The following RFWD3 variants were observed in gnomAD, a reference collection of about 807,000 sequenced individuals.
RFWD3 encodes the protein ring finger and WD repeat domain 3, also known as E3 ubiquitin-protein ligase RFWD3.
RFWD3 carries 65 observed loss-of-function variants against 87.7 expected under a neutral mutation model. The observed-to-expected ratio is 0.74, with a 90% confidence interval of 0.61 to 0.91. The LOEUF (loss-of-function observed/expected upper bound fraction) is 0.91, where lower values mean the gene tolerates loss of function less well. RFWD3 is among the 40% of genes least tolerant of loss of function. The pLI, the probability that RFWD3 is intolerant of heterozygous loss-of-function variation, is 0.00. For missense variants in RFWD3, 1,078 were observed against 938.5 expected (o/e 1.15, Z -1.94); for synonymous variants, 433 against 352.8 (o/e 1.23, Z -2.55).
Position 74,637,905 on chromosome 16 carries a change from T to C in RFWD3, c.1145A>G (p.Gln382Arg). The C allele has an allele frequency of 6.2e-7, 1 of 1,612,898 alleles. No homozygotes were observed. Among genetic ancestry groups the C allele is most frequent in the Non-Finnish European group, 8.5e-7 (1 of 1,179,818 alleles). The change falls in exon 7 of 13, where the codon CAA becomes CGA. Residue 382 changes from glutamine to arginine, a missense_variant. By Grantham distance (43) the Gln-to-Arg change is conservative. Coordinates refer to ENST00000361070, the MANE Select transcript of RFWD3 (RefSeq NM_018124.4). The part of the protein sequence containing the change: ...AELESAQCRL[Q>R]LQVLTDKCTR... ...GCACTTATCAGTGAGGACCTGCAGTTGGAGTCGGCACTGTGCTGATTCTAA... is the reference window on the plus strand; with the variant it reads ...GCACTTATCAGTGAGGACCTGCAGTCGGAGTCGGCACTGTGCTGATTCTAA...
At chr16:74,635,059 T>C (rs1407252313) in intron 8 of RFWD3, among the ~76,000 whole-genome samples, 1 of 151,944 alleles carries the variant, frequency 6.6e-6, no homozygotes, top group Non-Finnish European at 1.5e-5. Flanking sequence ...GGCGGGCGGA[T>C]CATGAGGTCA....
Position 74,666,815 on chromosome 16 carries a change from C to G in RFWD3, c.-32G>C, listed in dbSNP as rs1001159249. 6 of 35,942 alleles carry G rather than the reference C, an allele frequency of 1.7e-4. No homozygotes were observed. The highest frequency in any genetic ancestry group is 5.1e-5 in the Non-Finnish European group (1 of 19,772). The allele number at this position is 35,942 out of a possible 1,614,324, so 2.2% of individuals were successfully genotyped here. ...AACCAGCAGGCCGCGGCCGGGCTCG[C>G]GAGCCCGCCGAAGACTCGGTAGTTA... On this transcript the variant is annotated 5_prime_UTR_variant, in exon 1 of 13. Coordinates refer to ENST00000361070, the MANE Select transcript of RFWD3 (RefSeq NM_018124.4).
chr16:74,632,126 C>G lies in RFWD3; in HGVS notation c.1577+397G>C, dbSNP rs1386139812. Among the ~76,000 whole-genome samples, 3 of 151,568 alleles carry G rather than the reference C, an allele frequency of 2.0e-5. No homozygotes were observed. The East Asian group carries it at 5.9e-4, about 30-fold the overall frequency. ...CTAAGGTCGGCTGGGCGCAGTGGCTCACGCCTGTAATCCCAGCACTTCAGG... is the reference window on the plus strand; with the variant it reads ...CTAAGGTCGGCTGGGCGCAGTGGCTGACGCCTGTAATCCCAGCACTTCAGG... On this transcript the variant is annotated intron_variant, in intron 9 of 12. Coordinates refer to ENST00000361070, the MANE Select transcript of RFWD3 (RefSeq NM_018124.4).
chr16:74,644,785 CT>C (rs756037906), intron 4 of RFWD3, 50 bp from the exon 5 acceptor site: 105 of 1,545,712 alleles, frequency 6.8e-5, no homozygotes, highest in Non-Finnish European at 9.1e-5. Flanking sequence ...TAAAATCAAT[CT>C]TGAAGAAGAT....
intron 12 of RFWD3, among the ~76,000 whole-genome samples, chr16:74,625,199 CAA>C (rs61114405): frequency 8.2e-5 from 10 of 121,820 alleles, no homozygotes; most frequent in Admixed American, 8.8e-5. Flanking sequence ...GACCCTGTCT[CAA>C]AAAAAAAAAA....
chr16:74,644,860 T>C (rs1959999686), intron 4 of RFWD3, 125 bp from the exon 5 acceptor site: 2 of 766,332 alleles, frequency 2.6e-6, no homozygotes, highest in Non-Finnish European at 4.1e-6. Context: ...TACAGAACAC[T>C]TGTAACACCT....
chr16:74,646,372 T>C (rs1960145584), intron 4 of RFWD3, among the ~76,000 whole-genome samples: 1 of 152,060 alleles, frequency 6.6e-6, no homozygotes, highest in African/African-American at 2.4e-5. Flanking sequence ...TGAGACCCTG[T>C]CTCAAAAAAG....
At chr16:74,646,584 G>A (rs536015354) in intron 4 of RFWD3, among the ~76,000 whole-genome samples, 5 of 151,760 alleles carry the variant, frequency 3.3e-5, no homozygotes, top group African/African-American at 1.2e-4. Context: ...TCAGGAGATC[G>A]AGACCATCCT....
At chr16:74,626,249 A>G in intron 12 of RFWD3, 94 bp downstream of exon 12, 1 of 1,087,270 alleles carries the variant, frequency 9.2e-7, no homozygotes, top group Non-Finnish European at 1.4e-6. Context: ...CTTTTTTGCT[A>G]TATGAGCTTC....
chr16:74,642,357 C>G (rs772432821), intron 6 of RFWD3, among the ~76,000 whole-genome samples: 2 of 152,178 alleles, frequency 1.3e-5, no homozygotes, highest in Non-Finnish European at 2.9e-5. Flanking sequence ...CTCCTGAGCT[C>G]AGGCGATCTG....
chr16:74,647,143 C>T (rs1169750401), intron 4 of RFWD3, among the ~76,000 whole-genome samples: 4 of 151,632 alleles, frequency 2.6e-5, no homozygotes, highest in African/African-American at 9.7e-5. Flanking sequence ...CCAAGATGTA[C>T]TAAGCTGGGA....
In RFWD3 at chr16:74,623,769, T is replaced by C. The variant is rs1958836713; in HGVS notation, c.*159A>G. On this transcript the variant is annotated 3_prime_UTR_variant, in exon 13 of 13. Transcript: ENST00000361070. ...CATAACAGATACACAATCTGTAGTGTCTCAGTGACCTAGGGTCCTAGAATC... is the reference window on the plus strand; with the variant it reads ...CATAACAGATACACAATCTGTAGTGCCTCAGTGACCTAGGGTCCTAGAATC... 1 of 669,314 alleles carries C rather than the reference T, an allele frequency of 1.5e-6. No homozygotes were observed. Among genetic ancestry groups the C allele is most frequent in the Non-Finnish European group, 2.5e-6 (1 of 397,068 alleles). 41.5% of individuals were successfully genotyped at this position (669,314 alleles called of 1,614,324 possible). A position where few individuals can be genotyped will look rare whatever the true frequency, so the allele number is the denominator to read the frequency against.
Position 74,659,588 on chromosome 16 carries a change from CTT to C in RFWD3, c.518+1342_518+1343del, listed in dbSNP as rs765312541. Among the ~76,000 whole-genome samples the C allele has an allele frequency of 1.8e-3, 237 of 128,498 alleles. 5 individuals are homozygous for C. The highest frequency in any genetic ancestry group is 9.6e-4 in the Non-Finnish European group (60 of 62,576). The allele number at this position is 128,498 out of a possible 152,430, so 84.3% of individuals were successfully genotyped here. On this transcript the variant is annotated intron_variant, in intron 2 of 12. Coordinates refer to ENST00000361070, the MANE Select transcript of RFWD3 (RefSeq NM_018124.4). ...CCAGCCTGAGTGACAGAGCAAGACT[CTT>C]GTCTTAAAAACAAAAAAAAAACCCA...
intron 6 of RFWD3, among the ~76,000 whole-genome samples, chr16:74,639,179 C>T (rs1034515389): frequency 4.0e-5 from 6 of 151,782 alleles, no homozygotes; most frequent in Admixed American, 1.3e-4. Flanking sequence ...CTGAGATGAC[C>T]GGCACCTGCC....
At position 74,622,817 on chromosome 16, in the gene RFWD3, C is replaced by G. The variant is rs924493884; in HGVS notation, c.*1111G>C. On this transcript the variant is annotated 3_prime_UTR_variant, in exon 13 of 13. Transcript: ENST00000361070. ...CCTAGAAAAGGTTAGGGAGGCAAAT[C>G]AAAGGAAACTGGAATCAAACATCAG... 6.6e-6 allele frequency: 1 copy of G among 152,142 alleles called. No individual in the cohort carries two copies. Among genetic ancestry groups the G allele is most frequent in the Non-Finnish European group, 1.5e-5 (1 of 68,046 alleles). 9.4% of individuals were successfully genotyped at this position (152,142 alleles called of 1,614,324 possible). A position where few individuals can be genotyped will look rare whatever the true frequency, so the allele number is the denominator to read the frequency against.
chr16:74,624,223 A>T, intron 12 of RFWD3, 152 bp from the exon 13 acceptor site: 1 of 829,892 alleles, frequency 1.2e-6, no homozygotes, highest in Non-Finnish European at 1.8e-6. Context: ...GGTTGTTCAA[A>T]GTCAGCACAC....
At chr16:74,664,231 G>A (rs1204943429) in intron 1 of RFWD3, 1 of 152,158 alleles carries the variant, frequency 6.6e-6, no homozygotes, top group African/African-American at 2.4e-5. Context: ...GATTACAGGA[G>A]TGAGCTACTG....
chr16:74,645,931 G>A (rs1327498579), intron 4 of RFWD3, among the ~76,000 whole-genome samples: 1 of 150,716 alleles, frequency 6.6e-6, no homozygotes, highest in Non-Finnish European at 1.5e-5. Context: ...TGTATTTTTA[G>A]TAGAGACGGG....
chr16:74,655,448 CCT>C (rs1960895952), intron 2 of RFWD3, among the ~76,000 whole-genome samples: 1 of 151,720 alleles, frequency 6.6e-6, no homozygotes, highest in African/African-American at 2.4e-5. Flanking sequence ...GAGGTTTCAC[CCT>C]GTTAGCCAGG....
Sources: allele counts gnomAD v4.1 joint callset (sites outside exome capture counted in the v4.1 genomes callset), GRCh38; gene constraint gnomAD v4.1.1; transcripts MANE v1.5; gene names NCBI Gene and HGNC (gene_info 2026-07-23, HGNC 2026-07-21).